Variants in LMX1A observed in about 807,000 individuals in gnomAD.
The protein encoded by LMX1A is LIM homeobox transcription factor 1-alpha.
A neutral mutation model predicts 49.1 loss-of-function variants in LMX1A; 15 were observed. The ratio of observed to expected loss-of-function variants is 0.31; its 90% confidence interval spans 0.20 to 0.47. The LOEUF is 0.47. Among genes scored for constraint, LMX1A ranks in the 20% least tolerant of loss-of-function variants. LMX1A has a pLI of 1.00. For synonymous variants in LMX1A, 167 were observed against 185.7 expected, an observed-to-expected ratio of 0.90 and a Z score of 0.82; for missense variants, 372 against 475.8, an observed-to-expected ratio of 0.78 and a Z score of 2.03.
At chr1:165,252,396 C>T (rs1200172475) in intron 3 of LMX1A, among the ~76,000 whole-genome samples, 2 of 152,256 alleles carry the variant, frequency 1.3e-5, no homozygotes, top group East Asian at 3.9e-4. Flanking sequence ...AAATTTAAAG[C>T]AGATCCCTCT....
At chr1:165,353,298 C>T (rs1331114243) in intron 2 of LMX1A, 36 bp from the exon 3 acceptor site, 1 of 1,583,714 alleles carries the variant, frequency 6.3e-7, no homozygotes, top group South Asian at 1.1e-5. Context: ...GTGAGCAGCC[C>T]GGGCAGGTAG....
At chr1:165,210,623 G>T (rs1651341123) in intron 6 of LMX1A, 76 bp downstream of exon 6, 1 of 1,044,926 alleles carries the variant, frequency 9.6e-7, no homozygotes, top group South Asian at 1.5e-5. Context: ...AAACCTGGCA[G>T]CAAGTACAAT....
At chr1:165,204,149 T>A in intron 8 of LMX1A, 109 bp from the exon 9 acceptor site, 1 of 1,161,976 alleles carries the variant, frequency 8.6e-7, no homozygotes, top group Non-Finnish European at 1.2e-6. Context: ...AGGCTCCAGG[T>A]GAAACTTTCT....
intron 7 of LMX1A, 109 bp downstream of exon 7, chr1:165,207,954 G>A (rs1309002455): frequency 1.1e-6 from 1 of 893,912 alleles, no homozygotes; most frequent in East Asian, 2.6e-5. Context: ...GTGTGGTCTA[G>A]GCTTCACTGA....
chr1:165,300,195 G>A (rs1024528332), intron 3 of LMX1A, among the ~76,000 whole-genome samples: 1 of 152,176 alleles, frequency 6.6e-6, no homozygotes, highest in Non-Finnish European at 1.5e-5. Context: ...GAAATCCGGA[G>A]CATTCACCAA....
rs973349448 is a variant in LMX1A at position 165,202,378 on chromosome 1, G to T, written c.*1502C>A. On this transcript the variant is annotated 3_prime_UTR_variant, in exon 9 of 9. Transcript: ENST00000342310. ...TGGGTCTTCTGTGCCGAGGATCAGA[G>T]GAGTGAGTTGGAAGGAAGAGCCAAG... 10 of 152,754 alleles carry T rather than the reference G, an allele frequency of 6.5e-5. No homozygotes were observed. The highest frequency in any genetic ancestry group is 2.4e-4 in the African/African-American group (10 of 41,556). The allele number at this position is 152,754 out of a possible 1,614,324, so 9.5% of individuals were successfully genotyped here. A position where few individuals can be genotyped will look rare whatever the true frequency, so the allele number is the denominator to read the frequency against.
intron 3 of LMX1A, among the ~76,000 whole-genome samples, chr1:165,346,016 T>C (rs1656233834): frequency 6.6e-6 from 1 of 151,852 alleles, no homozygotes; most frequent in Non-Finnish European, 1.5e-5. Context: ...TTCTACAGGG[T>C]ATAGGGGAGG....
intron 3 of LMX1A, among the ~76,000 whole-genome samples, chr1:165,317,255 T>C (rs903776623): frequency 6.6e-6 from 1 of 152,220 alleles, no homozygotes; most frequent in Non-Finnish European, 1.5e-5. Flanking sequence ...GAAATGCAAC[T>C]ATCCATAGAT....
At chr1:165,267,038 G>A (rs1035179279) in intron 3 of LMX1A, among the ~76,000 whole-genome samples, 1 of 151,290 alleles carries the variant, frequency 6.6e-6, no homozygotes, top group Non-Finnish European at 1.5e-5. Context: ...ATTTCAAAGG[G>A]AACAATTCTA....
chr1:165,220,276 GA>G lies in LMX1A; in HGVS notation c.497-6464del, dbSNP rs1017516325. On this transcript the variant is annotated intron_variant, in intron 4 of 8. Transcript: ENST00000342310. ...AAGTTCTTCAGGCATAGTAAAAACT[GA>G]AAAAAAAAAGTGTGAGCATTTAGAA... Among the ~76,000 whole-genome samples the G allele has an allele frequency of 2.9e-4, 43 of 147,716 alleles. No individual in the cohort carries two copies. The East Asian group carries it at 3.1e-3, about 11-fold the overall frequency.
At chr1:165,210,273 G>A (rs1651321253) in intron 6 of LMX1A, among the ~76,000 whole-genome samples, 1 of 152,196 alleles carries the variant, frequency 6.6e-6, no homozygotes, top group South Asian at 2.1e-4. Flanking sequence ...ATATTAGTGA[G>A]GGCTGGGCCC....
At chr1:165,337,888 C>CTGTGTGTGTGTGTGTGTGTGTGTGTG (rs6143463) in intron 3 of LMX1A, among the ~76,000 whole-genome samples, 5,024 of 146,930 alleles carry the variant, frequency 0.034, 215 homozygotes, top group African/African-American at 0.1. Context: ...GTGTGTGTTT[C>CTGTGTGTGTGTGTGTGTGTGTGTGTG]TGTGTGTGTG....
chr1:165,251,213 G>T (rs1401439495), intron 3 of LMX1A, among the ~76,000 whole-genome samples: 3 of 151,968 alleles, frequency 2.0e-5, no homozygotes, highest in African/African-American at 4.8e-5. Context: ...CTTCTGAGTA[G>T]CTGGGATTAA....
At chr1:165,324,262 G>T (rs936125712) in intron 3 of LMX1A, among the ~76,000 whole-genome samples, 7 of 152,218 alleles carry the variant, frequency 4.6e-5, no homozygotes, top group African/African-American at 1.2e-4. Flanking sequence ...GAACATCCGA[G>T]CTGTGAGCAG....
chr1:165,226,618 G>A (rs1652044897), intron 4 of LMX1A, among the ~76,000 whole-genome samples: 1 of 152,172 alleles, frequency 6.6e-6, no homozygotes, highest in Non-Finnish European at 1.5e-5. Flanking sequence ...GGTGGCTGAT[G>A]AGCTATGACA....
intron 3 of LMX1A, among the ~76,000 whole-genome samples, chr1:165,340,551 C>A (rs1343421103): frequency 1.3e-5 from 2 of 152,184 alleles, no homozygotes; most frequent in Non-Finnish European, 2.9e-5. Context: ...TTCTGGTGTT[C>A]CCCCACAGAG....
At chr1:165,232,768 C>T (rs1652279723) in intron 4 of LMX1A, among the ~76,000 whole-genome samples, 1 of 152,276 alleles carries the variant, frequency 6.6e-6, no homozygotes, top group East Asian at 1.9e-4. Context: ...GTCCCTCCTT[C>T]AAGAACCAAA....
chr1:165,355,448 G>A lies in LMX1A; in HGVS notation c.76+36C>T. On this transcript the variant is annotated intron_variant, in intron 2 of 8. Transcript: ENST00000342310. The surrounding 1 kb of genome is among the most constrained non-coding windows in gnomAD (Gnocchi z 4.7). The stretch of plus-strand genomic sequence containing the variant: ...TCCAGAGCTCAGCGCCAAGCGGAAA[G>A]AGAGTGCGCCCAGGACGCACGGCCT... 6.2e-7 allele frequency: 1 copy of A among 1,607,210 alleles called. No homozygotes were observed. The highest frequency in any genetic ancestry group is 8.5e-7 in the Non-Finnish European group (1 of 1,174,638).
At chr1:165,279,405 C>A (rs1654073620) in intron 3 of LMX1A, among the ~76,000 whole-genome samples, 1 of 152,210 alleles carries the variant, frequency 6.6e-6, no homozygotes. Flanking sequence ...CAGAGTTAGG[C>A]ATTTCCAGGA....
Sources: allele counts gnomAD v4.1 joint callset (sites outside exome capture counted in the v4.1 genomes callset), GRCh38; gene constraint gnomAD v4.1.1; non-coding constraint Gnocchi (gnomAD v3.1); transcripts MANE v1.5; gene names NCBI Gene and HGNC (gene_info 2026-07-23, HGNC 2026-07-21).